The following LRRC39 variants were observed in gnomAD, a reference collection of about 807,000 sequenced individuals.
LRRC39 encodes leucine-rich repeat-containing protein 39.
Under a neutral mutation model 39.7 loss-of-function variants are expected in LRRC39, and 35 were observed. The ratio of observed to expected loss-of-function variants is 0.88; its 90% CI spans 0.67 to 1.17. LRRC39 has a LOEUF of 1.17. Among genes scored for constraint, LRRC39 ranks in the 50% most tolerant of loss-of-function variants. The pLI is 0.00. For missense variants in LRRC39, 357 were observed against 385.8 expected (o/e 0.93, Z 0.62); for synonymous variants, 113 against 134.1 (o/e 0.84, Z 1.09).
chr1:100,156,656 T>C (rs1658463850), intron 6 of LRRC39, among the ~76,000 whole-genome samples: 1 of 152,136 alleles, frequency 6.6e-6, no homozygotes, highest in Non-Finnish European at 1.5e-5. Flanking sequence ...TTGAGAATTG[T>C]ATGGGAAAAC....
chr1:100,148,995 G>C lies in LRRC39; in HGVS notation c.*47C>G, dbSNP rs753619184. 5 of 1,461,342 alleles carry C rather than the reference G, an allele frequency of 3.4e-6. No individual in the cohort carries two copies. In the Admixed American group the frequency reaches 1.2e-4, roughly 36 times the overall value. The allele number at this position is 1,461,342 out of a possible 1,614,324, so 90.5% of individuals were successfully genotyped here. A position where few individuals can be genotyped will look rare whatever the true frequency, so the allele number is the denominator to read the frequency against. On this transcript the variant is annotated 3_prime_UTR_variant, in exon 10 of 10. Transcript: ENST00000370137. ...TTTTACTTCAGAAATCCAAACATTA[G>C]AGAATTCACCAAAGTAATCCTCTTT...
upstream of LRRC39, among the ~76,000 whole-genome samples, chr1:100,179,499 C>CAAAAAAAAAAAAAAAAAA (rs60588308): frequency 7.5e-4 from 34 of 45,616 alleles, no homozygotes; most frequent in African/African-American, 2.7e-3. Flanking sequence ...CTGTATCTAC[C>CAAAAAAAAAAAAAAAAAA]AAAAAAAAAA....
At chr1:100,165,114 A>G (rs1253589004) in intron 3 of LRRC39, among the ~76,000 whole-genome samples, 2 of 152,332 alleles carry the variant, frequency 1.3e-5, no homozygotes, top group Non-Finnish European at 2.9e-5. Flanking sequence ...AAGCTTTATA[A>G]TACTGTACAA....
chr1:100,151,126 CAAAAA>C lies in LRRC39; in HGVS notation c.952+1254_952+1258del, dbSNP rs772782982. On this transcript the variant is annotated intron_variant, in intron 9 of 9. Transcript: ENST00000370137. ...CCTGGGCAACCAGAGAGAAACTCCTCAAAAAAAAAAAAAAAAAAAAAAAAGACTGC... is the reference window on the plus strand; with the variant it reads ...CCTGGGCAACCAGAGAGAAACTCCTCAAAAAAAAAAAAAAAAAAAGACTGC... Among the ~76,000 whole-genome samples the C allele has an allele frequency of 1.8e-4, 8 of 43,668 alleles. No individual in the cohort carries two copies. The South Asian group carries it at 4.8e-3, about 26-fold the overall frequency. 28.6% of individuals were successfully genotyped at this position (43,668 alleles called of 152,430 possible).
chr1:100,175,993 G>A (rs112658238), intron 1 of LRRC39, among the ~76,000 whole-genome samples: 11 of 152,278 alleles, frequency 7.2e-5, no homozygotes, highest in African/African-American at 2.6e-4. Flanking sequence ...TAATATTGAA[G>A]ATAAGCACAG....
intron 8 of LRRC39, among the ~76,000 whole-genome samples, chr1:100,153,605 C>T (rs1334472236): frequency 1.3e-5 from 2 of 151,846 alleles, no homozygotes; most frequent in African/African-American, 4.8e-5. Context: ...AAAAACCAAC[C>T]CCACAAGCGG....
At chr1:100,160,134 T>A (rs925250544) in intron 4 of LRRC39, among the ~76,000 whole-genome samples, 4 of 152,212 alleles carry the variant, frequency 2.6e-5, no homozygotes, top group African/African-American at 9.6e-5. Context: ...CATAAAGTTT[T>A]AACTGAGCAT....
At chr1:100,175,356 T>G (rs1037790106) in intron 1 of LRRC39, among the ~76,000 whole-genome samples, 6 of 151,466 alleles carry the variant, frequency 4.0e-5, no homozygotes, top group East Asian at 3.9e-4. Context: ...CCAGTTTTTT[T>G]TTTTTTTTTT....
intron 9 of LRRC39, chr1:100,149,996 C>T (rs982401197): frequency 2.6e-5 from 4 of 152,256 alleles, no homozygotes; most frequent in African/African-American, 7.2e-5. Context: ...CAGACTGTCT[C>T]GGTTCAAATT....
chr1:100,169,201 C>T (rs1046344299), intron 2 of LRRC39, among the ~76,000 whole-genome samples: 1 of 151,914 alleles, frequency 6.6e-6, no homozygotes, highest in African/African-American at 2.4e-5. Context: ...GATTTTTGAT[C>T]AAATTAGTAA....
chr1:100,177,513 C>G (rs1222717734), intron 1 of LRRC39, among the ~76,000 whole-genome samples: 1 of 152,192 alleles, frequency 6.6e-6, no homozygotes, highest in Admixed American at 6.5e-5. Flanking sequence ...TGCGAGATCT[C>G]TTTGCTGTGA....
intron 5 of LRRC39, among the ~76,000 whole-genome samples, chr1:100,158,789 T>C (rs1658663397): frequency 6.6e-6 from 1 of 152,058 alleles, no homozygotes; most frequent in Non-Finnish European, 1.5e-5. Flanking sequence ...GTTCTTAGTG[T>C]CTTTCCTTTT....
In LRRC39 at chr1:100,156,490, C is replaced by T. The variant is rs534768256; in HGVS notation, c.514-173G>A. 2.0e-5 allele frequency among the ~76,000 whole-genome samples: 3 copies of T among 152,270 alleles called. No homozygotes were observed. In the East Asian group the frequency reaches 5.8e-4, roughly 29 times the overall value. On this transcript the variant is annotated intron_variant, in intron 6 of 9. Transcript: ENST00000370137. ...AAATAAATATAAAGCTAAATGACCTCCAGGGAAGTGGAAAACTCTCATAGA... is the reference window on the plus strand; with the variant it reads ...AAATAAATATAAAGCTAAATGACCTTCAGGGAAGTGGAAAACTCTCATAGA...
At chr1:100,158,485 T>G in intron 5 of LRRC39, 118 bp from the exon 6 acceptor site, 1 of 799,094 alleles carries the variant, frequency 1.3e-6, no homozygotes, top group East Asian at 3.2e-5. Flanking sequence ...TCGCCCAGGC[T>G]GGAGTGCAGT....
chr1:100,155,134 A>T lies in LRRC39; in HGVS notation c.729T>A (p.Asn243Lys), dbSNP rs1557923115. 6.2e-7 allele frequency: 1 copy of T among 1,610,446 alleles called. No homozygotes were observed. The highest frequency in any genetic ancestry group is 1.1e-5 in the South Asian group (1 of 90,428). ...GAACAAGAGTACCCAGATTTTTCAT[A>T]TTGCTGATTGTTTGAGGCAAGCATG... ...EITCLPQTIS[N>K]MKNLGTLVLS... The change falls in exon 8 of 10, where the codon AAT becomes AAA. Residue 243 changes from asparagine (N) to lysine (K), a missense_variant. By Grantham distance (94) the Asn-to-Lys change is moderately conservative. Coordinates refer to ENST00000370137, the MANE Select transcript of LRRC39 (RefSeq NM_144620.4).
chr1:100,156,312 G>T lies in LRRC39; in HGVS notation c.519C>A (p.Ser173Arg). ...RDICDLPQELSNLLKLTHLDL... is the reference protein window; with the variant it reads ...RDICDLPQELRNLLKLTHLDL... ...CAAGGTGAGTAAGTTTTAGCAGATT[G>T]CTGAGCTGAAGAAGAAAGCAAGGTT... Residue 173 changes from serine (S) to arginine (R), a missense_variant, in exon 7 of 10, where the codon AGC becomes AGA. Ser to Arg is a moderately radical substitution (Grantham distance 110, BLOSUM62 -1). Transcript: ENST00000370137. 6 of 1,602,244 alleles carry T rather than the reference G, an allele frequency of 3.7e-6. No homozygotes were observed. Among genetic ancestry groups the T allele is most frequent in the Non-Finnish European group, 5.1e-6 (6 of 1,172,924 alleles).
chr1:100,163,101 C>T (rs1329324341), intron 3 of LRRC39, among the ~76,000 whole-genome samples: 2 of 152,152 alleles, frequency 1.3e-5, no homozygotes, highest in Non-Finnish European at 2.9e-5. Flanking sequence ...AACAGCTAAG[C>T]TTCCCATAGA....
intron 8 of LRRC39, 147 bp from the exon 9 acceptor site, chr1:100,152,671 C>T: frequency 3.9e-6 from 3 of 761,750 alleles, no homozygotes; most frequent in Non-Finnish European, 2.0e-6. Context: ...TGTGATATAT[C>T]TCAAGAATCT....
At chr1:100,174,428 G>C (rs1015819981) in intron 1 of LRRC39, among the ~76,000 whole-genome samples, 1 of 151,990 alleles carries the variant, frequency 6.6e-6, no homozygotes, top group Non-Finnish European at 1.5e-5. Flanking sequence ...CTCCCAAGTA[G>C]CTGGGACTAC....
Sources: allele counts gnomAD v4.1 joint callset (sites outside exome capture counted in the v4.1 genomes callset), GRCh38; gene constraint gnomAD v4.1.1; transcripts MANE v1.5; gene names NCBI Gene and HGNC (gene_info 2026-07-23, HGNC 2026-07-21).